Variants in MINDY4 observed in about 807,000 individuals in gnomAD.
The protein encoded by MINDY4 is MINDY lysine 48 deubiquitinase 4.
In MINDY4, 68 loss-of-function variants were observed where a neutral mutation model predicts 87.0. That is an observed-to-expected ratio of 0.78 (90% CI 0.64 to 0.96). The LOEUF (loss-of-function observed/expected upper bound fraction) is 0.96, where lower values mean the gene tolerates loss of function less well. Among genes scored for constraint, MINDY4 ranks in the 40% least tolerant of loss-of-function variants. The probability of loss-of-function intolerance (pLI) is 0.00; values close to 1 mark genes in which losing one functional copy is unlikely to be tolerated. For synonymous variants in MINDY4, 379 were observed against 363.2 expected (o/e 1.04, Z -0.50); for missense variants, 919 against 928.2 (o/e 0.99, Z 0.13).
chr7:30,851,094 C>T (rs995221428), intron 10 of MINDY4, among the ~76,000 whole-genome samples: 1 of 152,264 alleles, frequency 6.6e-6, no homozygotes, highest in Non-Finnish European at 1.5e-5. Flanking sequence ...CCCCATTCTA[C>T]TGCATATAAC....
chr7:30,776,340 C>T (rs1176927079), intron 1 of MINDY4, among the ~76,000 whole-genome samples: 2 of 152,174 alleles, frequency 1.3e-5, no homozygotes, highest in African/African-American at 4.8e-5. Flanking sequence ...ACTTGCTGTT[C>T]CTTGCCTGGA....
intron 5 of MINDY4, among the ~76,000 whole-genome samples, chr7:30,802,016 T>C (rs1787666677): frequency 7.0e-6 from 1 of 141,864 alleles, no homozygotes; most frequent in Admixed American, 6.9e-5. Flanking sequence ...GCAGGAGAAG[T>C]AGCAGCTGTT....
Position 30,778,351 on chromosome 7 carries a change from A to G in MINDY4, c.64-81A>G, listed in dbSNP as rs1786891839. On this transcript the variant is annotated intron_variant, in intron 1 of 17. Transcript: ENST00000265299. The stretch of plus-strand genomic sequence containing the variant: ...TATGAGAATTATCTTGGTGAACATC[A>G]GGAATCGTTTGCTTGTGCTTTATGA... The G allele has an allele frequency of 2.6e-6, 4 of 1,561,358 alleles. No individual in the cohort carries two copies. In the South Asian group the frequency reaches 3.4e-5, roughly 13 times the overall value.
At chr7:30,771,747 C>A (rs528986558) in intron 1 of MINDY4, among the ~76,000 whole-genome samples, 191 bp downstream of exon 1, 1 of 152,230 alleles carries the variant, frequency 6.6e-6, no homozygotes, top group Non-Finnish European at 1.5e-5. Context: ...GCGTTTCTGC[C>A]GTCGTCACCG....
At chr7:30,872,801 T>G (rs932444848) in intron 14 of MINDY4, among the ~76,000 whole-genome samples, 9 of 152,218 alleles carry the variant, frequency 5.9e-5, no homozygotes, top group Non-Finnish European at 1.3e-4. Flanking sequence ...CACAGTTGCT[T>G]GTCATCAGTC....
chr7:30,880,838 G>C (rs549221121), intron 15 of MINDY4, among the ~76,000 whole-genome samples: 2 of 152,130 alleles, frequency 1.3e-5, no homozygotes, highest in Non-Finnish European at 1.5e-5. Context: ...GGATGAGTGC[G>C]TTGTAAAGAC....
At chr7:30,889,109 C>T (rs1790718337) in intron 17 of MINDY4, among the ~76,000 whole-genome samples, 1 of 152,222 alleles carries the variant, frequency 6.6e-6, no homozygotes, top group Non-Finnish European at 1.5e-5. Flanking sequence ...TGCCTCCCTT[C>T]TGCCACCCTC....
intron 5 of MINDY4, among the ~76,000 whole-genome samples, chr7:30,802,511 G>A (rs936088839): frequency 6.6e-6 from 1 of 151,938 alleles, no homozygotes; most frequent in African/African-American, 2.4e-5. Flanking sequence ...CCTGGAATGG[G>A]GCCTTATTTC....
chr7:30,802,849 C>CCAAA (rs1317454109), intron 5 of MINDY4, among the ~76,000 whole-genome samples: 2 of 151,886 alleles, frequency 1.3e-5, no homozygotes, highest in Non-Finnish European at 2.9e-5. Flanking sequence ...AACCGACCAA[C>CCAAA]CAAACCAACC....
At chr7:30,774,564 CT>C (rs1562526700) in intron 1 of MINDY4, among the ~76,000 whole-genome samples, 1 of 148,834 alleles carries the variant, frequency 6.7e-6, no homozygotes, top group Non-Finnish European at 1.5e-5. Context: ...CATTTTAATT[CT>C]TTTCTCTGCT....
chr7:30,881,186 G>C (rs11975781), intron 15 of MINDY4, among the ~76,000 whole-genome samples: 21,386 of 152,146 alleles, frequency 0.14, 3,688 homozygotes, highest in African/African-American at 0.41. Flanking sequence ...AGAGGCGCTG[G>C]CCAAGAAGTG....
intron 4 of MINDY4, among the ~76,000 whole-genome samples, chr7:30,789,203 G>A (rs1016065221): frequency 1.3e-5 from 2 of 152,164 alleles, no homozygotes; most frequent in African/African-American, 4.8e-5. Context: ...TCCTGTCTTA[G>A]CATGACGTCC....
chr7:30,777,826 G>T (rs964925716), intron 1 of MINDY4, among the ~76,000 whole-genome samples: 2 of 152,218 alleles, frequency 1.3e-5, no homozygotes, highest in African/African-American at 4.8e-5. Flanking sequence ...TTGCGAACAG[G>T]ACCCTCACTT....
At chr7:30,870,463 G>T (rs1790068592) in intron 13 of MINDY4, among the ~76,000 whole-genome samples, 1 of 152,222 alleles carries the variant, frequency 6.6e-6, no homozygotes, top group African/African-American at 2.4e-5. Flanking sequence ...GGCCTGCTGG[G>T]CTGTCTGTGG....
At chr7:30,815,064 G>A (rs1342368349) in intron 5 of MINDY4, among the ~76,000 whole-genome samples, 1 of 152,170 alleles carries the variant, frequency 6.6e-6, no homozygotes, top group Non-Finnish European at 1.5e-5. Context: ...CTGACACGTT[G>A]GTTGGTCTTT....
At position 30,785,768 on chromosome 7, in the gene MINDY4, G is replaced by T. The variant is rs1168646249; in HGVS notation, c.439G>T (p.Asp147Tyr). 1.2e-6 allele frequency: 2 copies of T among 1,614,234 alleles called. No homozygotes were observed. Among genetic ancestry groups the T allele is most frequent in the Admixed American group, 1.7e-5 (1 of 60,024 alleles). Residue 147 changes from aspartate to tyrosine, a missense_variant, in exon 4 of 18, where the codon GAT becomes TAT. Coordinates refer to ENST00000265299, the MANE Select transcript of MINDY4 (RefSeq NM_032222.3). ...SKARHDNLDG[D>Y]VLGNFVSSKR... ...TCACAGACATGACAATCTTGATGGA[G>T]ATGTACTTGGTAATTTTGTATCATC...
At chr7:30,794,032 C>T (rs561289465) in intron 5 of MINDY4, among the ~76,000 whole-genome samples, 65 of 152,256 alleles carry the variant, frequency 4.3e-4, no homozygotes, top group African/African-American at 1.5e-3. Context: ...TCCAAGGGCA[C>T]ACAGACTGGC....
Position 30,781,981 on chromosome 7 carries a change from A to G in MINDY4, c.188A>G (p.Lys63Arg), listed in dbSNP as rs1246658315. Residue 63 changes from lysine to arginine, a missense_variant, in exon 3 of 18, where the codon AAG becomes AGG. Physicochemically the swap from Lys to Arg is conservative, Grantham distance 26 (BLOSUM62 2). Transcript: ENST00000265299. The stretch of plus-strand genomic sequence containing the variant: ...TTTTTTCTCTCCCAATGATAGGCAA[A>G]GGAAAATCCTCTAAAAACAAGCCTT... ...LEFLYKENKA[K>R]ENPLKTSLEL... 1.9e-6 allele frequency: 3 copies of G among 1,611,258 alleles called. No homozygotes were observed. Among genetic ancestry groups the G allele is most frequent in the Non-Finnish European group, 1.7e-6 (2 of 1,178,664 alleles).
chr7:30,879,741 C>T (rs1201736945), intron 15 of MINDY4, among the ~76,000 whole-genome samples: 2 of 152,232 alleles, frequency 1.3e-5, no homozygotes, highest in Non-Finnish European at 2.9e-5. Context: ...TCATTGTCCC[C>T]TCCATACCTT....
Sources: gnomAD v4.1 joint callset for allele counts (sites outside exome capture counted in the v4.1 genomes callset) on GRCh38, gnomAD v4.1.1 for gene constraint, MANE v1.5 for transcripts, NCBI Gene and HGNC (gene_info 2026-07-23, HGNC 2026-07-21) for gene names.